The following ABCA13 variants were observed in gnomAD, a reference collection of about 807,000 sequenced individuals.
ABCA13 encodes the protein ATP-binding cassette sub-family A member 13.
Under a neutral mutation model 478.7 loss-of-function variants are expected in ABCA13, and 476 were observed. That is an observed-to-expected ratio of 0.99 (90% CI 0.92 to 1.07). The LOEUF is 1.07. Among genes scored for constraint, ABCA13 ranks in the 50% least tolerant of loss-of-function variants. The probability of loss-of-function intolerance (pLI) is 0.00; values close to 1 mark genes in which losing one functional copy is unlikely to be tolerated. For synonymous variants in ABCA13, 2,252 were observed against 2,158.9 expected, an observed-to-expected ratio of 1.04 and a Z score of -1.20; for missense variants, 6,060 against 5,910.6, an observed-to-expected ratio of 1.03 and a Z score of -0.83.
chr7:48,538,032 A>G (rs1174722798), intron 55 of ABCA13, among the ~76,000 whole-genome samples: 1 of 146,446 alleles, frequency 6.8e-6, no homozygotes, highest in Admixed American at 6.9e-5. Context: ...TTAATATAGT[A>G]TTTTTATCAA....
At chr7:48,634,153 T>A (rs1794438032) in intron 59 of ABCA13, among the ~76,000 whole-genome samples, 1 of 152,212 alleles carries the variant, frequency 6.6e-6, no homozygotes, top group Non-Finnish European at 1.5e-5. Flanking sequence ...TTGATCATGA[T>A]GTATAATTTT....
intron 45 of ABCA13, among the ~76,000 whole-genome samples, chr7:48,472,493 T>C (rs1434267360): frequency 6.6e-6 from 1 of 152,168 alleles, no homozygotes; most frequent in Non-Finnish European, 1.5e-5. Flanking sequence ...TCAAGTGAAA[T>C]GGCCTTATTG....
intron 27 of ABCA13, 88 bp downstream of exon 27, chr7:48,317,384 C>A: frequency 3.6e-6 from 5 of 1,391,558 alleles, no homozygotes; most frequent in Non-Finnish European, 3.9e-6. Flanking sequence ...AATTATTATG[C>A]GCCTTGGATT....
chr7:48,276,479 C>A lies in ABCA13; in HGVS notation c.6813C>A (p.Phe2271Leu), dbSNP rs200280025. The change falls in exon 17 of 62, where the codon TTC becomes TTA. Residue 2271 changes from phenylalanine to leucine, a missense_variant. Phe to Leu is a conservative substitution (Grantham distance 22). Coordinates refer to ENST00000435803, the MANE Select transcript of ABCA13 (RefSeq NM_152701.5). ...TCACAGAACAGTTTTTGAAAACATT[C>A]TTCTCCCTTTTTCTAAAGGAAGATT... ...VDFTEQFLKT[F>L]FSLFLKEDSE... The A allele has an allele frequency of 3.7e-4, 601 of 1,606,906 alleles. 2 individuals carry two copies. Among genetic ancestry groups the A allele is most frequent in the Non-Finnish European group, 5.0e-4 (586 of 1,177,240 alleles).
chr7:48,353,251 A>T (rs560142407), intron 31 of ABCA13, among the ~76,000 whole-genome samples: 1 of 151,618 alleles, frequency 6.6e-6, no homozygotes, highest in African/African-American at 2.4e-5. Flanking sequence ...CTCAGCCTGG[A>T]TTTCTTACTT....
intron 38 of ABCA13, among the ~76,000 whole-genome samples, chr7:48,401,494 C>T (rs1421336238): frequency 6.6e-6 from 1 of 152,170 alleles, no homozygotes; most frequent in Non-Finnish European, 1.5e-5. Context: ...ACATTTATCT[C>T]ATTGTGTCCT....
intron 43 of ABCA13, among the ~76,000 whole-genome samples, chr7:48,456,581 A>G (rs1825698852): frequency 6.6e-6 from 1 of 152,196 alleles, no homozygotes; most frequent in African/African-American, 2.4e-5. Flanking sequence ...TTGTATCTAC[A>G]TGCATTTGTA....
In ABCA13 at chr7:48,489,344, G is replaced by T; in HGVS notation, c.13291G>T (p.Gly4431Ter). 6.3e-7 allele frequency: 1 copy of T among 1,582,224 alleles called. No homozygotes were observed. The highest frequency in any genetic ancestry group is 1.4e-5 in the African/African-American group (1 of 74,002). ...CCCTACTGTGGACTGGAGACAATAC[G>T]GTAATGTTATTTTTCATGCATTGTA... Reference protein sequence around the residue: ...LPPTVDWRQYGITLYSHPYGG... With the variant: ...LPPTVDWRQY Residue 4431 changes from glycine (G) to a stop codon, truncating the protein, a stop_gained and splice_region_variant, in exon 48 of 62, where the codon GGA becomes TGA. Coordinates refer to ENST00000435803, the MANE Select transcript of ABCA13 (RefSeq NM_152701.5). LOFTEE classifies it high-confidence loss of function.
intron 41 of ABCA13, among the ~76,000 whole-genome samples, chr7:48,417,389 A>G (rs60395947): frequency 0.026 from 4,025 of 152,162 alleles, 176 homozygotes; most frequent in African/African-American, 0.092. Flanking sequence ...TCTTCAACCC[A>G]TGGTTGCCAT....
At chr7:48,331,759 C>A (rs551988921) in intron 27 of ABCA13, among the ~76,000 whole-genome samples, 1 of 152,004 alleles carries the variant, frequency 6.6e-6, no homozygotes, top group Admixed American at 6.6e-5. Context: ...TGTGTGTGTG[C>A]GTGTGTGTAT....
At chr7:48,351,355 C>T (rs1196076851) in intron 30 of ABCA13, among the ~76,000 whole-genome samples, 1 of 152,184 alleles carries the variant, frequency 6.6e-6, no homozygotes, top group African/African-American at 2.4e-5. Context: ...GTATTAGTTT[C>T]TTAAGGTTGC....
At chr7:48,461,822 C>T (rs1237189176) in intron 43 of ABCA13, among the ~76,000 whole-genome samples, 1 of 152,164 alleles carries the variant, frequency 6.6e-6, no homozygotes, top group Non-Finnish European at 1.5e-5. Context: ...GTTGGCACAA[C>T]CTAGCCAACT....
At chr7:48,411,555 A>G (rs1393528430) in intron 40 of ABCA13, among the ~76,000 whole-genome samples, 2 of 152,028 alleles carry the variant, frequency 1.3e-5, no homozygotes, top group African/African-American at 2.4e-5. Flanking sequence ...TGATCCACCA[A>G]CCTCGGCCTC....
At chr7:48,585,092 G>GA (rs1455408578) in intron 56 of ABCA13, among the ~76,000 whole-genome samples, 2 of 152,102 alleles carry the variant, frequency 1.3e-5, no homozygotes, top group East Asian at 3.9e-4. Flanking sequence ...GAAGCTACAT[G>GA]ACTACTTCTG....
At position 48,272,658 on chromosome 7, in the gene ABCA13, A is replaced by G. The variant is rs1161184448; in HGVS notation, c.2992A>G (p.Ile998Val). The G allele has an allele frequency of 2.5e-6, 4 of 1,613,130 alleles. No homozygotes were observed. Among genetic ancestry groups the G allele is most frequent in the Non-Finnish European group, 3.4e-6 (4 of 1,179,444 alleles). ...ACAAATCTCAAAACACATTTTGGATATCATAAAACAATTTAATTTCCAAAA... is the reference window on the plus strand; with the variant it reads ...ACAAATCTCAAAACACATTTTGGATGTCATAAAACAATTTAATTTCCAAAA... The part of the protein sequence containing the change: ...LTQISKHILD[I>V]IKQFNFQNIS... Residue 998 changes from isoleucine (I) to valine (V), a missense_variant, in exon 17 of 62, where the codon ATC (isoleucine) becomes GTC (valine). By Grantham distance (29) the Ile-to-Val change is conservative. Around this residue, in one of 3 missense-constraint regions of ABCA13, gnomAD observed 4,423 missense variants for 4,309.1 expected, o/e 1.03. Coordinates refer to ENST00000435803, the MANE Select transcript of ABCA13 (RefSeq NM_152701.5).
chr7:48,248,942 T>G (rs1386255573), intron 14 of ABCA13, among the ~76,000 whole-genome samples: 2 of 152,214 alleles, frequency 1.3e-5, no homozygotes, highest in African/African-American at 4.8e-5. Context: ...GTTATGGCCT[T>G]TAATTTTCCT....
intron 55 of ABCA13, among the ~76,000 whole-genome samples, chr7:48,573,790 A>C (rs572513542): frequency 1.1e-4 from 17 of 152,142 alleles, no homozygotes; most frequent in African/African-American, 4.1e-4. Context: ...TAAACCAGGA[A>C]AATTTATTCT....
intron 1 of ABCA13, among the ~76,000 whole-genome samples, chr7:48,190,880 T>C (rs982914154): frequency 1.3e-5 from 2 of 152,174 alleles, no homozygotes; most frequent in African/African-American, 4.8e-5. Context: ...CATACATATG[T>C]TTATTTACAT....
intron 55 of ABCA13, among the ~76,000 whole-genome samples, chr7:48,574,728 C>G (rs1393793377): frequency 6.6e-6 from 1 of 152,194 alleles, no homozygotes; most frequent in African/African-American, 2.4e-5. Context: ...TCCACAACAT[C>G]ATTACTTCTT....
Sources: allele counts gnomAD v4.1 joint callset (sites outside exome capture counted in the v4.1 genomes callset), GRCh38; gene constraint gnomAD v4.1.1; regional missense constraint gnomAD v4.1.1; transcripts MANE v1.5; gene names NCBI Gene and HGNC (gene_info 2026-07-23, HGNC 2026-07-21).